PI4K2B: variants seen among roughly 807,000 people sequenced by gnomAD.
PI4K2B encodes phosphatidylinositol 4-kinase type 2-beta.
Under a neutral mutation model 56.6 loss-of-function variants are expected in PI4K2B, and 46 were observed. The observed-to-expected ratio is 0.81, with a 90% CI of 0.64 to 1.04. The LOEUF (loss-of-function observed/expected upper bound fraction) is 1.04, where lower values mean the gene tolerates loss of function less well. Ranked by LOEUF, PI4K2B falls within the 50% of genes least tolerant of loss-of-function variation. The probability of loss-of-function intolerance (pLI) is 0.00; values close to 1 mark genes in which losing one functional copy is unlikely to be tolerated. For synonymous variants in PI4K2B, 211 were observed against 223.8 expected (o/e 0.94, Z 0.51); for missense variants, 556 against 607.7 (o/e 0.91, Z 0.89).
chr4:25,251,430 G>A (rs1263324261), intron 1 of PI4K2B, among the ~76,000 whole-genome samples: 1 of 152,110 alleles, frequency 6.6e-6, no homozygotes, highest in East Asian at 1.9e-4. Flanking sequence ...TGGGAGTTTT[G>A]CAGGTGACCA....
intron 2 of PI4K2B, 68 bp downstream of exon 2, chr4:25,252,543 AT>A (rs1171906006): frequency 1.0e-6 from 1 of 979,930 alleles, no homozygotes; most frequent in Non-Finnish European, 1.6e-6. Context: ...ATATGAAATC[AT>A]TGTGAGTTTC....
intron 3 of PI4K2B, 111 bp from the exon 4 acceptor site, chr4:25,256,432 T>A (rs1716266743): frequency 9.8e-7 from 1 of 1,022,496 alleles, no homozygotes; most frequent in Admixed American, 2.5e-5. Context: ...GGGCCTTTAT[T>A]ACAGGATTAA....
intron 2 of PI4K2B, among the ~76,000 whole-genome samples, 191 bp from the exon 3 acceptor site, chr4:25,254,871 TAAG>T (rs1716197586): frequency 6.6e-6 from 1 of 152,176 alleles, no homozygotes. Context: ...GATTGTTGAA[TAAG>T]AATGAATATG....
At chr4:25,235,248 A>G (rs1715205610) in intron 1 of PI4K2B, among the ~76,000 whole-genome samples, 2 of 152,206 alleles carry the variant, frequency 1.3e-5, no homozygotes, top group Admixed American at 1.3e-4. Context: ...TAAAAAGGCG[A>G]TGGTACACCT....
chr4:25,235,565 A>G (rs972103030), intron 1 of PI4K2B, among the ~76,000 whole-genome samples: 8 of 152,210 alleles, frequency 5.3e-5, no homozygotes, highest in African/African-American at 1.7e-4. Flanking sequence ...GCTTTAACCA[A>G]CGTCTGCTCC....
intron 1 of PI4K2B, among the ~76,000 whole-genome samples, chr4:25,243,121 G>A (rs313553): frequency 0.11 from 16,511 of 152,218 alleles, 996 homozygotes; most frequent in South Asian, 0.19. Flanking sequence ...GGCCGCGCCC[G>A]TGTCCAGGAT....
intron 1 of PI4K2B, among the ~76,000 whole-genome samples, chr4:25,236,603 C>T (rs528239728): frequency 3.2e-4 from 49 of 152,204 alleles, no homozygotes; most frequent in Admixed American, 1.9e-3. Flanking sequence ...AGTTGTTATT[C>T]GCCATTATTC....
chr4:25,234,312 T>C lies in PI4K2B; in HGVS notation c.149T>C (p.Leu50Pro). The part of the protein sequence containing the change: ...RGAPGSAVRL[L>P]DAAGEEGEAG... ...GCCCCAGGCAGCGCCGTGAGGCTGC[T>C]GGACGCTGCCGGGGAGGAGGGCGAG... Residue 50 changes from leucine (L) to proline (P), a missense_variant, in exon 1 of 10, where the codon CTG (leucine) becomes CCG (proline). Physicochemically the swap from Leu to Pro is moderately conservative, Grantham distance 98. Transcript: ENST00000264864. 7.1e-7 allele frequency: 1 copy of C among 1,418,054 alleles called. No homozygotes were observed. The highest frequency in any genetic ancestry group is 9.2e-7 in the Non-Finnish European group (1 of 1,083,584). The allele number at this position is 1,418,054 out of a possible 1,614,324, so 87.8% of individuals were successfully genotyped here.
chr4:25,270,643 G>A (rs1021595547), intron 9 of PI4K2B, among the ~76,000 whole-genome samples: 2 of 152,120 alleles, frequency 1.3e-5, no homozygotes, highest in African/African-American at 4.8e-5. Flanking sequence ...ACCGTGCCCA[G>A]CCCCTCCTCA....
At chr4:25,249,070 C>T (rs1577682340) in intron 1 of PI4K2B, among the ~76,000 whole-genome samples, 1 of 152,168 alleles carries the variant, frequency 6.6e-6, no homozygotes, top group South Asian at 2.1e-4. Flanking sequence ...TTGCACCGCC[C>T]TTAATCCATT....
rs1212224270 is a variant in PI4K2B at position 25,234,376 on chromosome 4, G to A, written c.213G>A (p.Val71=). ...AGCTGCCCCTCCCGCCCGGGGACGTGGGGGTCTCCCGGAGTTCGTCCGCCG... is the reference window on the plus strand; with the variant it reads ...AGCTGCCCCTCCCGCCCGGGGACGTAGGGGTCTCCCGGAGTTCGTCCGCCG... ...DEELPLPPGD[V]GVSRSSSAEL... Residue 71 remains valine (V), a synonymous_variant, in exon 1 of 10, where the codon GTG becomes GTA. Transcript: ENST00000264864. The A allele has an allele frequency of 5.0e-6, 7 of 1,404,078 alleles. No individual in the cohort carries two copies. The highest frequency in any genetic ancestry group is 2.7e-5 in the Admixed American group (1 of 36,616). 87.0% of individuals were successfully genotyped at this position (1,404,078 alleles called of 1,614,324 possible). A position where few individuals can be genotyped will look rare whatever the true frequency, so the allele number is the denominator to read the frequency against.
At chr4:25,260,870 T>G (rs1404152572) in intron 6 of PI4K2B, among the ~76,000 whole-genome samples, 23 of 7,582 alleles carry the variant, frequency 3.0e-3, no homozygotes, top group South Asian at 4.8e-3. Context: ...TGATTCTTGA[T>G]TTTTTTTTTT....
intron 7 of PI4K2B, among the ~76,000 whole-genome samples, chr4:25,267,424 G>T (rs79834226): frequency 1.3e-4 from 20 of 152,370 alleles, no homozygotes; most frequent in African/African-American, 4.8e-4. Flanking sequence ...GCGCTGAGGC[G>T]CACTCCTGTA....
intron 9 of PI4K2B, among the ~76,000 whole-genome samples, chr4:25,276,117 T>C (rs1020543517): frequency 6.6e-6 from 1 of 152,206 alleles, no homozygotes; most frequent in East Asian, 1.9e-4. Flanking sequence ...TATTTTCAAA[T>C]ACCTGAAGGA....
At position 25,263,997 on chromosome 4, in the gene PI4K2B, A is replaced by G. The variant is rs1048540311; in HGVS notation, c.1078+148A>G. On this transcript the variant is annotated intron_variant, in intron 7 of 9. Transcript: ENST00000264864. The stretch of plus-strand genomic sequence containing the variant: ...TCAGTTTTAGGCATTAGGGATGCAA[A>G]TGTATACTACAGGGTCTTGCTATGA... The G allele has an allele frequency of 2.7e-5, 13 of 490,354 alleles. No homozygotes were observed. In the East Asian group the frequency reaches 3.1e-4, roughly 12 times the overall value. 30.4% of individuals were successfully genotyped at this position (490,354 alleles called of 1,614,324 possible).
intron 1 of PI4K2B, among the ~76,000 whole-genome samples, chr4:25,239,433 C>CAAGTGCCACATGCAACCCCAGTT (rs1560365518): frequency 3.4e-5 from 4 of 116,522 alleles, no homozygotes; most frequent in Non-Finnish European, 4.4e-5. Context: ...ACGGTGCCGG[C>CAAGTGCCACATGCAACCCCAGTT]CCAGGGGGAC....
chr4:25,261,851 G>A (rs2109019473), intron 6 of PI4K2B, among the ~76,000 whole-genome samples: 1 of 152,294 alleles, frequency 6.6e-6, no homozygotes, highest in Middle Eastern at 3.4e-3. Flanking sequence ...CATATGTCAA[G>A]GCTCATCACA....
intron 2 of PI4K2B, among the ~76,000 whole-genome samples, chr4:25,253,769 A>C (rs145242447): frequency 1.4e-3 from 215 of 152,266 alleles, no homozygotes; most frequent in African/African-American, 5.0e-3. Context: ...AATACGAGAG[A>C]ATTTAATCAA....
chr4:25,236,279 A>G (rs1175580914), intron 1 of PI4K2B, among the ~76,000 whole-genome samples: 1 of 151,454 alleles, frequency 6.6e-6, no homozygotes, highest in Non-Finnish European at 1.5e-5. Flanking sequence ...GTTGGGTGCC[A>G]TGGCTCATGC....
Sources: gnomAD v4.1 joint callset for allele counts (sites outside exome capture counted in the v4.1 genomes callset) on GRCh38, gnomAD v4.1.1 for gene constraint, MANE v1.5 for transcripts, NCBI Gene and HGNC (gene_info 2026-07-23, HGNC 2026-07-21) for gene names.